The following PTPRK variants were observed in gnomAD, a reference collection of about 807,000 sequenced individuals.
The protein encoded by PTPRK is receptor-type tyrosine-protein phosphatase kappa.
A neutral mutation model predicts 178.0 loss-of-function variants in PTPRK; 75 were observed. That is an observed-to-expected ratio of 0.42 (90% CI 0.35 to 0.51). The LOEUF is 0.51. Among genes scored for constraint, PTPRK ranks in the 20% least tolerant of loss-of-function variants. The probability of loss-of-function intolerance (pLI) is 0.02; values close to 1 mark genes in which losing one functional copy is unlikely to be tolerated. For synonymous variants in PTPRK, 637 were observed against 620.6 expected, an observed-to-expected ratio of 1.03 and a Z score of -0.39; for missense variants, 1,441 against 1,797.8, an observed-to-expected ratio of 0.80 and a Z score of 3.59.
intron 13 of PTPRK, among the ~76,000 whole-genome samples, chr6:128,061,303 G>C (rs953195612): frequency 6.6e-6 from 1 of 151,978 alleles, no homozygotes. Context: ...ACTACATTTG[G>C]AATGTTTTAA....
intron 25 of PTPRK, among the ~76,000 whole-genome samples, chr6:127,978,830 T>A (rs1292409622): frequency 2.0e-5 from 3 of 152,160 alleles, no homozygotes; most frequent in African/African-American, 7.2e-5. Context: ...CCCTAGCTCC[T>A]AATCCCTCAT....
chr6:128,032,830 T>C (rs1036345722), intron 13 of PTPRK, among the ~76,000 whole-genome samples: 15 of 152,198 alleles, frequency 9.9e-5, no homozygotes, highest in African/African-American at 3.4e-4. Context: ...TATTATATCA[T>C]ATGTCACTGC....
intron 3 of PTPRK, among the ~76,000 whole-genome samples, chr6:128,244,668 A>G (rs1276992372): frequency 6.6e-6 from 1 of 152,178 alleles, no homozygotes; most frequent in Non-Finnish European, 1.5e-5. Context: ...CAGCCATTTT[A>G]TTCTTTCCCA....
chr6:128,043,181 G>A (rs187846051), intron 13 of PTPRK, among the ~76,000 whole-genome samples: 20 of 152,012 alleles, frequency 1.3e-4, no homozygotes, highest in African/African-American at 3.9e-4. Context: ...AAATTATTAC[G>A]ATAGACCTCT....
intron 1 of PTPRK, among the ~76,000 whole-genome samples, chr6:128,420,798 G>A (rs1319730010): frequency 6.6e-6 from 1 of 152,170 alleles, no homozygotes; most frequent in Admixed American, 6.5e-5. Context: ...GCCACACAGT[G>A]TATCTGGAGA....
intron 7 of PTPRK, among the ~76,000 whole-genome samples, chr6:128,168,111 G>A (rs747027966): frequency 5.9e-5 from 9 of 152,040 alleles, no homozygotes; most frequent in Non-Finnish European, 1.3e-4. Context: ...AATGCTTCTG[G>A]ATCAACAGCA....
intron 7 of PTPRK, among the ~76,000 whole-genome samples, chr6:128,132,931 A>G (rs1271642224): frequency 6.6e-6 from 1 of 152,172 alleles, no homozygotes; most frequent in African/African-American, 2.4e-5. Context: ...TTAGAGAACA[A>G]CTTTCTACAG....
intron 1 of PTPRK, among the ~76,000 whole-genome samples, chr6:128,429,670 T>A (rs1844569375): frequency 6.6e-6 from 1 of 152,046 alleles, no homozygotes; most frequent in Admixed American, 6.5e-5. Context: ...TGGCAAGACA[T>A]GAGAGCAGAG....
At chr6:128,274,069 T>C (rs1331087104) in intron 3 of PTPRK, among the ~76,000 whole-genome samples, 2 of 151,684 alleles carry the variant, frequency 1.3e-5, no homozygotes, top group East Asian at 1.9e-4. Flanking sequence ...GACTCTGTTA[T>C]GCAAGGTACA....
intron 3 of PTPRK, among the ~76,000 whole-genome samples, chr6:128,290,948 A>T (rs1170567623): frequency 6.6e-6 from 1 of 152,068 alleles, no homozygotes; most frequent in East Asian, 1.9e-4. Context: ...CTCATTTTAT[A>T]AATAAGGAAA....
Position 127,998,892 on chromosome 6 carries a change from C to A in PTPRK, c.2507G>T (p.Ser836Ile). 1 of 1,519,576 alleles carries A rather than the reference C, an allele frequency of 6.6e-7. No homozygotes were observed. Among genetic ancestry groups the A allele is most frequent in the South Asian group, 1.3e-5 (1 of 79,138 alleles). 94.1% of individuals were successfully genotyped at this position (1,519,576 alleles called of 1,614,324 possible). A position where few individuals can be genotyped will look rare whatever the true frequency, so the allele number is the denominator to read the frequency against. Residue 836 changes from serine (S) to isoleucine (I), a missense_variant, in exon 16 of 30, where the codon AGT becomes ATT. Physicochemically the swap from Ser to Ile is moderately radical, Grantham distance 142. Around this residue, in one of 4 missense-constraint regions of PTPRK, gnomAD observed 945 missense variants for 1,080.6 expected, o/e 0.87. Coordinates refer to ENST00000368226, the MANE Select transcript of PTPRK (RefSeq NM_002844.4). ...HNFSPRYENHSATAESSRLLD... is the reference protein window; with the variant it reads ...HNFSPRYENHIATAESSRLLD... Reference sequence around the variant, plus strand: ...AAGGCGACTGGACTCTGCTGTAGCACTGTGGTTCTCATCTGGCATTTTTCA... The same window carrying A: ...AAGGCGACTGGACTCTGCTGTAGCAATGTGGTTCTCATCTGGCATTTTTCA...
chr6:128,519,202 C>T lies in PTPRK; in HGVS notation c.100+1057G>A, dbSNP rs2128447617. 1 of 453,916 alleles carries T rather than the reference C, an allele frequency of 2.2e-6. No individual in the cohort carries two copies. Among genetic ancestry groups the T allele is most frequent in the Non-Finnish European group, 4.5e-6 (1 of 221,050 alleles). 28.1% of individuals were successfully genotyped at this position (453,916 alleles called of 1,614,324 possible). On this transcript the variant is annotated intron_variant, in intron 1 of 29. Coordinates refer to ENST00000368226, the MANE Select transcript of PTPRK (RefSeq NM_002844.4). The surrounding 1 kb of genome is among the most constrained non-coding windows in gnomAD (Gnocchi z 4.3). ...CGGGAGGTAGACAAGTGCTCGGGAG[C>T]CCGCTCCCCAGCGTCCACCTGGTGA...
intron 3 of PTPRK, among the ~76,000 whole-genome samples, chr6:128,301,372 T>C (rs909172962): frequency 2.0e-5 from 3 of 152,032 alleles, no homozygotes; most frequent in Non-Finnish European, 4.4e-5. Context: ...ATACTCTCTT[T>C]TAAAAAAAAA....
At chr6:128,092,301 G>C (rs1375928723) in intron 7 of PTPRK, among the ~76,000 whole-genome samples, 1 of 152,096 alleles carries the variant, frequency 6.6e-6, no homozygotes, top group Non-Finnish European at 1.5e-5. Flanking sequence ...TAGTGACTTA[G>C]ACATAATTTT....
At chr6:128,291,577 A>G (rs951592486) in intron 3 of PTPRK, among the ~76,000 whole-genome samples, 2 of 152,124 alleles carry the variant, frequency 1.3e-5, no homozygotes, top group African/African-American at 2.4e-5. Flanking sequence ...TTGTTTTGCA[A>G]TCAATACCCA....
chr6:128,401,583 C>T (rs1365941300), intron 1 of PTPRK, among the ~76,000 whole-genome samples: 2 of 152,116 alleles, frequency 1.3e-5, no homozygotes, highest in East Asian at 3.9e-4. Context: ...ACTGGAGAGC[C>T]ATGAAGGACA....
At chr6:128,172,989 A>G (rs994988878) in intron 7 of PTPRK, among the ~76,000 whole-genome samples, 1 of 151,944 alleles carries the variant, frequency 6.6e-6, no homozygotes, top group African/African-American at 2.4e-5. Context: ...AGGAACCACT[A>G]GGGTGAGGGA....
chr6:128,034,243 A>AAAGGCAGCT lies in PTPRK; in HGVS notation c.2195-24984_2195-24976dup, dbSNP rs553332429. ...AGTCTAAACACCTGTCACCATAGAAAAAGGCAGCTAAGGCAGCCCAATCAA... is the reference window on the plus strand; with the variant it reads ...AGTCTAAACACCTGTCACCATAGAAAAAGGCAGCTAAGGCAGCTAAGGCAGCCCAATCAA... On this transcript the variant is annotated intron_variant, in intron 13 of 29. Coordinates refer to ENST00000368226, the MANE Select transcript of PTPRK (RefSeq NM_002844.4). Among the ~76,000 whole-genome samples the AAAGGCAGCT allele has an allele frequency of 5.6e-3, 847 of 152,338 alleles. 4 individuals carry two copies. Among genetic ancestry groups the AAAGGCAGCT allele is most frequent in the African/African-American group, 0.019 (796 of 41,576 alleles).
At position 128,099,718 on chromosome 6, in the gene PTPRK, T is replaced by C. The variant is rs530108086; in HGVS notation, c.1163-9726A>G. Among the ~76,000 whole-genome samples, 874 of 152,224 alleles carry C rather than the reference T, an allele frequency of 5.7e-3. 4 individuals are homozygous for C. The highest frequency in any genetic ancestry group is 9.5e-3 in the Non-Finnish European group (645 of 67,944). On this transcript the variant is annotated intron_variant, in intron 7 of 29. Transcript: ENST00000368226. ...CTGGTAACATGCTTGCTTCAGGGAA[T>C]AGAGAGACAGATAAGGACTGCAGGG...
Sources: gnomAD v4.1 joint callset for allele counts (sites outside exome capture counted in the v4.1 genomes callset) on GRCh38, gnomAD v4.1.1 for gene constraint, gnomAD v4.1.1 regional missense constraint, Gnocchi (gnomAD v3.1) non-coding constraint, MANE v1.5 for transcripts, NCBI Gene and HGNC (gene_info 2026-07-23, HGNC 2026-07-21) for gene names.